SPAG16: variants seen among roughly 807,000 people sequenced by gnomAD.
The protein encoded by SPAG16 is sperm-associated antigen 16 protein.
Under a neutral mutation model 80.4 loss-of-function variants are expected in SPAG16, and 86 were observed. The ratio of observed to expected loss-of-function variants is 1.07; its 90% CI spans 0.90 to 1.28. The LOEUF (loss-of-function observed/expected upper bound fraction) is 1.28, where lower values mean the gene tolerates loss of function less well. Among genes scored for constraint, SPAG16 ranks in the 50% most tolerant of loss-of-function variants. The pLI is 0.00. For missense variants in SPAG16, 870 were observed against 765.3 expected (o/e 1.14, Z -1.61); for synonymous variants, 294 against 265.9 (o/e 1.11, Z -1.03).
At chr2:213,851,658 C>T (rs565489081) in intron 10 of SPAG16, among the ~76,000 whole-genome samples, 57 of 152,282 alleles carry the variant, frequency 3.7e-4, no homozygotes, top group Non-Finnish European at 6.8e-4. Context: ...ATTCCAGTCT[C>T]GGCTGCCTCT....
chr2:213,479,739 G>A (rs1201237140), intron 9 of SPAG16, among the ~76,000 whole-genome samples: 1 of 152,132 alleles, frequency 6.6e-6, no homozygotes, highest in Non-Finnish European at 1.5e-5. Context: ...CCAGTGCTGA[G>A]CCTTATCTGC....
chr2:214,131,658 G>T (rs1016546904), intron 14 of SPAG16, among the ~76,000 whole-genome samples: 1 of 151,890 alleles, frequency 6.6e-6, no homozygotes, highest in Admixed American at 6.6e-5. Context: ...GCCATGAAAA[G>T]AGATGGCATA....
intron 6 of SPAG16, among the ~76,000 whole-genome samples, chr2:213,347,704 G>C (rs1278209451): frequency 6.6e-6 from 1 of 152,230 alleles, no homozygotes; most frequent in East Asian, 1.9e-4. Context: ...TTTTCAGTGA[G>C]TTTCTTAATC....
chr2:213,846,405 A>C (rs2074629367), intron 10 of SPAG16, among the ~76,000 whole-genome samples: 1 of 152,096 alleles, frequency 6.6e-6, no homozygotes, highest in African/African-American at 2.4e-5. Flanking sequence ...GATGTATTTT[A>C]ACATTTCATT....
chr2:213,622,976 G>A (rs2061838738), intron 10 of SPAG16, among the ~76,000 whole-genome samples: 1 of 152,146 alleles, frequency 6.6e-6, no homozygotes, highest in Admixed American at 6.5e-5. Flanking sequence ...GAAGAGTAAC[G>A]AAGCCTTCCA....
chr2:213,684,987 C>A (rs2064591840), intron 10 of SPAG16, among the ~76,000 whole-genome samples: 1 of 152,142 alleles, frequency 6.6e-6, no homozygotes, highest in African/African-American at 2.4e-5. Flanking sequence ...CAGAATAAAG[C>A]AGATCAAGGA....
chr2:213,321,939 C>T (rs186170626), intron 5 of SPAG16, among the ~76,000 whole-genome samples: 52 of 152,064 alleles, frequency 3.4e-4, no homozygotes, highest in African/African-American at 1.2e-3. Flanking sequence ...ATTTTAAATG[C>T]AAAAGTCTAA....
chr2:213,862,815 T>C (rs906289218), intron 11 of SPAG16, among the ~76,000 whole-genome samples, 187 bp downstream of exon 11: 1 of 152,214 alleles, frequency 6.6e-6, no homozygotes, highest in Admixed American at 6.5e-5. Flanking sequence ...TTGTTTTTGA[T>C]ATTTGGTACA....
At chr2:213,799,968 A>G (rs1412738271) in intron 10 of SPAG16, among the ~76,000 whole-genome samples, 7 of 151,896 alleles carry the variant, frequency 4.6e-5, no homozygotes, top group African/African-American at 1.7e-4. Context: ...TTGAAAAAAA[A>G]AAAAAAAAGA....
intron 12 of SPAG16, among the ~76,000 whole-genome samples, chr2:213,993,454 G>T (rs1217495848): frequency 1.3e-5 from 2 of 152,226 alleles, no homozygotes; most frequent in East Asian, 1.9e-4. Context: ...ATATTCACAA[G>T]TAAACCCCCT....
chr2:213,293,187 C>G (rs2126062495), intron 1 of SPAG16, among the ~76,000 whole-genome samples: 1 of 152,246 alleles, frequency 6.6e-6, no homozygotes, highest in East Asian at 1.9e-4. Context: ...TCATGGTGCC[C>G]TGTGAAGAAG....
intron 11 of SPAG16, among the ~76,000 whole-genome samples, chr2:213,889,099 T>TA (rs1414297925): frequency 6.6e-6 from 1 of 152,018 alleles, no homozygotes; most frequent in Non-Finnish European, 1.5e-5. Context: ...TCATAAGGTA[T>TA]ATTTCCAAAT....
chr2:213,374,693 C>G (rs1473701868), intron 8 of SPAG16, among the ~76,000 whole-genome samples: 2 of 151,778 alleles, frequency 1.3e-5, no homozygotes, highest in Non-Finnish European at 2.9e-5. Context: ...TCTTGTCATT[C>G]TCTCCTCCAC....
chr2:214,174,114 G>A (rs1055277105), intron 15 of SPAG16, among the ~76,000 whole-genome samples: 2 of 151,970 alleles, frequency 1.3e-5, no homozygotes, highest in Admixed American at 6.6e-5. Context: ...CAAACCCACA[G>A]CCAATATCAT....
intron 14 of SPAG16, among the ~76,000 whole-genome samples, chr2:214,113,164 G>A (rs1236454291): frequency 6.6e-6 from 1 of 152,208 alleles, no homozygotes. Flanking sequence ...CTTCTGGCTT[G>A]TAAGGTTTCT....
chr2:213,789,588 C>G (rs10208956), intron 10 of SPAG16, among the ~76,000 whole-genome samples: 90,688 of 151,678 alleles, frequency 0.6, 29,071 homozygotes, highest in South Asian at 0.86. Context: ...AAAGACAAAC[C>G]ATTCCAGCAC....
intron 12 of SPAG16, among the ~76,000 whole-genome samples, chr2:213,939,693 A>C (rs1233457774): frequency 6.6e-6 from 1 of 152,142 alleles, no homozygotes; most frequent in Admixed American, 6.6e-5. Context: ...TGATGGTTCT[A>C]TTTCAGTTTA....
intron 6 of SPAG16, among the ~76,000 whole-genome samples, chr2:213,347,764 T>A (rs112170845): frequency 0.024 from 3,621 of 152,310 alleles, 61 homozygotes; most frequent in African/African-American, 0.039. Context: ...TTTGTTATAA[T>A]TTCTGTTCTT....
At chr2:213,603,930 T>TG (rs1428385339) in intron 10 of SPAG16, among the ~76,000 whole-genome samples, 35 of 151,760 alleles carry the variant, frequency 2.3e-4, no homozygotes, top group African/African-American at 3.9e-4. Flanking sequence ...TCCTGGTTTT[T>TG]TTTTTTTTTT....
Sources: allele counts gnomAD v4.1 joint callset (sites outside exome capture counted in the v4.1 genomes callset), GRCh38; gene constraint gnomAD v4.1.1; transcripts MANE v1.5; gene names NCBI Gene and HGNC (gene_info 2026-07-23, HGNC 2026-07-21).